CPD: variants seen among roughly 807,000 people sequenced by gnomAD.
CPD encodes the protein metallocarboxypeptidase D.
In CPD, 69 loss-of-function variants were observed where a neutral mutation model predicts 138.3. That is an observed-to-expected ratio of 0.50 (90% CI 0.41 to 0.61). The LOEUF (loss-of-function observed/expected upper bound fraction) is 0.61. CPD is among the 20% of genes least tolerant of loss of function. The pLI, the probability that CPD is intolerant of heterozygous loss-of-function variation, is 0.00. For missense variants in CPD, 1,432 were observed against 1,733.3 expected (o/e 0.83, Z 3.09); for synonymous variants, 651 against 642.1 (o/e 1.01, Z -0.21).
chr17:30,380,484 G>T, intron 1 of CPD: 1 of 1,307,946 alleles, frequency 7.6e-7, no homozygotes, highest in Non-Finnish European at 9.7e-7. Context: ...TGTCATTTGT[G>T]CACCTTATTA....
At chr17:30,411,040 T>A (rs1202734922) in intron 2 of CPD, among the ~76,000 whole-genome samples, 2 of 152,344 alleles carry the variant, frequency 1.3e-5, no homozygotes, top group East Asian at 3.9e-4. Context: ...GGAGCTCTTG[T>A]AAGGCAGGTC....
chr17:30,410,062 G>T (rs1406337256), intron 2 of CPD, among the ~76,000 whole-genome samples: 1 of 152,080 alleles, frequency 6.6e-6, no homozygotes, highest in South Asian at 2.1e-4. Flanking sequence ...TTGTGTATTT[G>T]ATCTCATTGG....
chr17:30,454,143 G>A (rs535402201), intron 14 of CPD: 12 of 152,298 alleles, frequency 7.9e-5, no homozygotes, highest in African/African-American at 2.9e-4. Flanking sequence ...TTCTGCAGCT[G>A]GGTTGAATTT....
chr17:30,392,457 A>G (rs1243548607), intron 2 of CPD, among the ~76,000 whole-genome samples: 4 of 152,174 alleles, frequency 2.6e-5, no homozygotes, highest in Non-Finnish European at 4.4e-5. Flanking sequence ...TTAACCTATA[A>G]TATGAAATAC....
chr17:30,390,832 C>T (rs1219203437), intron 2 of CPD, among the ~76,000 whole-genome samples: 2 of 151,492 alleles, frequency 1.3e-5, no homozygotes, highest in Non-Finnish European at 2.9e-5. Flanking sequence ...GAGTAAGATG[C>T]CTTTTTTTTT....
rs1175726911 is a variant in CPD, at chr17:30,467,239, G to A, written c.*2425G>A. 1 of 152,576 alleles carries A rather than the reference G, an allele frequency of 6.6e-6. No individual in the cohort carries two copies. Among genetic ancestry groups the A allele is most frequent in the Non-Finnish European group, 1.5e-5 (1 of 67,998 alleles). The allele number at this position is 152,576 out of a possible 1,614,324, so 9.5% of individuals were successfully genotyped here. The stretch of plus-strand genomic sequence containing the variant: ...TATTAAGAAATTTGCCTAAATCTGA[G>A]TTGTGCCTTTCTTTACTCACAAGGC... On this transcript the variant is annotated 3_prime_UTR_variant, in exon 21 of 21. Transcript: ENST00000225719.
chr17:30,428,057 G>A (rs1912468567), intron 7 of CPD, among the ~76,000 whole-genome samples: 1 of 152,028 alleles, frequency 6.6e-6, no homozygotes, highest in Non-Finnish European at 1.5e-5. Flanking sequence ...GTTTAGTTCT[G>A]TTTTCTCCCT....
At chr17:30,460,332 G>T (rs1220935733) in intron 17 of CPD, among the ~76,000 whole-genome samples, 1 of 152,152 alleles carries the variant, frequency 6.6e-6, no homozygotes. Context: ...TTGAGCAGGG[G>T]TAACAATATT....
At chr17:30,380,534 A>T (rs1025869292) in intron 1 of CPD, 8 of 1,444,210 alleles carry the variant, frequency 5.5e-6, no homozygotes, top group African/African-American at 1.4e-5. Context: ...TCTAATACAC[A>T]CTTTAAGTGT....
chr17:30,383,588 G>A lies in CPD; in HGVS notation c.747-1401G>A, dbSNP rs1000392127. 2.0e-5 allele frequency among the ~76,000 whole-genome samples: 3 copies of A among 152,276 alleles called. No individual in the cohort carries two copies. In the South Asian group the frequency reaches 6.2e-4, roughly 32 times the overall value. ...GTTTCTTTTCATGGTCTATGCTAGT[G>A]TTTAATCAGTGTCCTTATTGGCAAA... On this transcript the variant is annotated intron_variant, in intron 1 of 20. Transcript: ENST00000225719.
intron 2 of CPD, among the ~76,000 whole-genome samples, chr17:30,399,470 G>A (rs1292139065): frequency 2.0e-5 from 3 of 151,962 alleles, no homozygotes; most frequent in Non-Finnish European, 4.4e-5. Context: ...ATAAATTTTT[G>A]TTTTATATAT....
intron 2 of CPD, among the ~76,000 whole-genome samples, chr17:30,398,044 A>G (rs2143340515): frequency 6.6e-6 from 1 of 151,650 alleles, no homozygotes; most frequent in East Asian, 1.9e-4. Context: ...AATTTACATT[A>G]TGCAGGATAT....
intron 2 of CPD, among the ~76,000 whole-genome samples, chr17:30,393,638 A>C (rs1328181670): frequency 6.6e-6 from 1 of 152,190 alleles, no homozygotes; most frequent in Non-Finnish European, 1.5e-5. Flanking sequence ...AGTGGATTTG[A>C]ATAACATAAA....
chr17:30,453,209 A>G lies in CPD; in HGVS notation c.3205+1363A>G, dbSNP rs112833397. ...TTAACTCAAAAGTCCACAGTCCAACATCTCATCTAAGACAGGTCCCTTCTG... is the reference window on the plus strand; with the variant it reads ...TTAACTCAAAAGTCCACAGTCCAACGTCTCATCTAAGACAGGTCCCTTCTG... On this transcript the variant is annotated intron_variant, in intron 14 of 20. Transcript: ENST00000225719. 3.9e-3 allele frequency among the ~76,000 whole-genome samples: 589 copies of G among 152,318 alleles called. 5 individuals carry two copies. The highest frequency in any genetic ancestry group is 0.013 in the African/African-American group (550 of 41,568).
chr17:30,445,502 A>G (rs1465635454), intron 11 of CPD, among the ~76,000 whole-genome samples, 189 bp from the exon 12 acceptor site: 1 of 152,150 alleles, frequency 6.6e-6, no homozygotes, highest in African/African-American at 2.4e-5. Context: ...CATATTTTGT[A>G]ATATACCCAT....
chr17:30,452,250 T>G (rs1361380008), intron 14 of CPD, among the ~76,000 whole-genome samples: 1 of 151,996 alleles, frequency 6.6e-6, no homozygotes, highest in Non-Finnish European at 1.5e-5. Flanking sequence ...ATGGTTCAAT[T>G]TCAGTACTTA....
intron 10 of CPD, 27 bp downstream of exon 10, chr17:30,442,477 A>G: frequency 1.2e-6 from 2 of 1,601,574 alleles, no homozygotes; most frequent in South Asian, 2.2e-5. Flanking sequence ...GAAGTATGAA[A>G]TTTCTCCCGA....
intron 19 of CPD, 62 bp from the exon 20 acceptor site, chr17:30,462,308 T>C: frequency 1.5e-6 from 2 of 1,328,470 alleles, no homozygotes; most frequent in Non-Finnish European, 2.1e-6. Context: ...CCTAATAATA[T>C]AGCAGGGATA....
At chr17:30,449,130 A>G (rs1294194076) in intron 12 of CPD, among the ~76,000 whole-genome samples, 1 of 129,372 alleles carries the variant, frequency 7.7e-6, no homozygotes, top group Non-Finnish European at 1.7e-5. Flanking sequence ...TGACAATAAT[A>G]TAAATAAATA....
Sources: gnomAD v4.1 joint callset for allele counts (sites outside exome capture counted in the v4.1 genomes callset) on GRCh38, gnomAD v4.1.1 for gene constraint, MANE v1.5 for transcripts, NCBI Gene and HGNC (gene_info 2026-07-23, HGNC 2026-07-21) for gene names.